The following PCDH15 variants were observed in gnomAD, a reference collection of about 807,000 sequenced individuals.
PCDH15 encodes the protein protocadherin related 15.
In PCDH15, 129 loss-of-function variants were observed where a neutral mutation model predicts 178.5. The ratio of observed to expected loss-of-function variants is 0.72; its 90% CI spans 0.63 to 0.84. The LOEUF is 0.84. Among genes scored for constraint, PCDH15 ranks in the 40% least tolerant of loss-of-function variants. The pLI is 0.00. For synonymous variants in PCDH15, 800 were observed against 732.0 expected (o/e 1.09, Z -1.50); for missense variants, 2,230 against 2,099.9 (o/e 1.06, Z -1.21).
At chr10:54,527,918 G>A in intron 2 of PCDH15, 41 bp from the exon 3 acceptor site, 2 of 1,511,888 alleles carry the variant, frequency 1.3e-6, no homozygotes, top group East Asian at 2.3e-5. Context: ...TTGACTGCAG[G>A]GGCACACACA....
intron 2 of PCDH15, among the ~76,000 whole-genome samples, chr10:54,541,618 C>T (rs536018632): frequency 1.3e-5 from 2 of 152,088 alleles, no homozygotes; most frequent in Admixed American, 1.3e-4. Flanking sequence ...TCAACATTAT[C>T]CAACTTGTCT....
At chr10:53,945,889 T>G (rs147488778) in intron 23 of PCDH15, among the ~76,000 whole-genome samples, 2,252 of 139,078 alleles carry the variant, frequency 0.016, 66 homozygotes, top group African/African-American at 0.055. Context: ...ATATCACATT[T>G]TCTTTATCCA....
intron 2 of PCDH15, among the ~76,000 whole-genome samples, chr10:55,334,031 A>G (rs959194921): frequency 1.3e-5 from 2 of 151,244 alleles, no homozygotes; most frequent in Non-Finnish European, 2.9e-5. Context: ...AAATAAAATG[A>G]TATTTTATTT....
At chr10:54,124,799 G>C (rs191682709) in intron 15 of PCDH15, among the ~76,000 whole-genome samples, 1 of 152,214 alleles carries the variant, frequency 6.6e-6, no homozygotes, top group East Asian at 1.9e-4. Context: ...TCAAAAAAGG[G>C]AAAGAGAAGT....
At chr10:55,575,456 T>C (rs1842478868) in intron 2 of PCDH15, among the ~76,000 whole-genome samples, 1 of 152,180 alleles carries the variant, frequency 6.6e-6, no homozygotes. Context: ...ACAATAGACT[T>C]GGTAGCCAAA....
At chr10:53,855,918 A>ATGTGTGTG (rs1298667377) in intron 28 of PCDH15, among the ~76,000 whole-genome samples, 2 of 139,536 alleles carry the variant, frequency 1.4e-5, no homozygotes, top group African/African-American at 5.2e-5. Flanking sequence ...ATATATATAT[A>ATGTGTGTG]TATGTATGTG....
Position 54,265,692 on chromosome 10 carries a change from A to G in PCDH15, c.877-28761T>C, listed in dbSNP as rs189300725. 9.2e-5 allele frequency among the ~76,000 whole-genome samples: 14 copies of G among 152,186 alleles called. No homozygotes were observed. In the East Asian group the frequency reaches 2.1e-3, roughly 23 times the overall value. On this transcript the variant is annotated intron_variant, in intron 8 of 37. Coordinates refer to ENST00000644397, the MANE Select transcript of PCDH15 (RefSeq NM_001384140.1). ...GGACAAAAAATGTTATTGCTTAATG[A>G]CAAAGGGCTCAATTCAACAAGAATA...
intron 3 of PCDH15, among the ~76,000 whole-genome samples, chr10:54,836,374 C>T (rs1953316420): frequency 6.6e-6 from 1 of 152,150 alleles, no homozygotes; most frequent in Non-Finnish European, 1.5e-5. Context: ...TACAAACACA[C>T]ATACGCATAC....
intron 20 of PCDH15, among the ~76,000 whole-genome samples, chr10:54,016,303 A>G (rs1225836375): frequency 6.6e-6 from 1 of 151,962 alleles, no homozygotes; most frequent in Non-Finnish European, 1.5e-5. Context: ...AGAAAATGGA[A>G]CAAAGCAGTT....
chr10:55,264,088 G>C (rs748628857), intron 1 of PCDH15, among the ~76,000 whole-genome samples: 2 of 152,066 alleles, frequency 1.3e-5, no homozygotes, highest in Non-Finnish European at 2.9e-5. Context: ...GTTTCTGATT[G>C]GGAAATTAAT....
At chr10:55,037,520 C>A (rs1388463966) in intron 2 of PCDH15, among the ~76,000 whole-genome samples, 1 of 152,156 alleles carries the variant, frequency 6.6e-6, no homozygotes, top group Admixed American at 6.5e-5. Flanking sequence ...GCGTGAGCCA[C>A]CGCACCCGGC....
chr10:54,960,185 T>C (rs181778526), intron 2 of PCDH15, among the ~76,000 whole-genome samples: 1 of 152,300 alleles, frequency 6.6e-6, no homozygotes, highest in Admixed American at 6.5e-5. Context: ...TGAACATCAC[T>C]AGATTCTAAC....
chr10:54,199,101 C>G (rs564262872), intron 10 of PCDH15, among the ~76,000 whole-genome samples: 21 of 152,152 alleles, frequency 1.4e-4, no homozygotes, highest in African/African-American at 5.1e-4. Flanking sequence ...TCTTAACTTC[C>G]TCATATCTAT....
At chr10:54,225,449 C>G (rs545830097) in intron 9 of PCDH15, among the ~76,000 whole-genome samples, 1 of 152,122 alleles carries the variant, frequency 6.6e-6, no homozygotes, top group Non-Finnish European at 1.5e-5. Flanking sequence ...TCTTCCTTAC[C>G]TTAGAACGTC....
rs1841121768 is a variant in PCDH15, at chr10:53,805,929, A to AAAGAC, written c.*645_*649dup. Reference sequence around the variant, plus strand: ...AGAATATTGTAAATAATATTGATAAAAAGACATACGACTTCAAGTGGTTTC... The same window carrying AAAGAC: ...AGAATATTGTAAATAATATTGATAAAAAGACAAGACATACGACTTCAAGTGGTTTC... On this transcript the variant is annotated 3_prime_UTR_variant, in exon 38 of 38. Coordinates refer to ENST00000644397, the MANE Select transcript of PCDH15 (RefSeq NM_001384140.1). 1 of 152,180 alleles carries AAAGAC rather than the reference A, an allele frequency of 6.6e-6. No homozygotes were observed. The allele number at this position is 152,180 out of a possible 1,614,324, so 9.4% of individuals were successfully genotyped here.
chr10:55,481,943 A>G (rs1476499585), intron 2 of PCDH15, among the ~76,000 whole-genome samples: 1 of 151,802 alleles, frequency 6.6e-6, no homozygotes, highest in African/African-American at 2.4e-5. Context: ...AAATTTCCCC[A>G]CTATAATTGT....
At chr10:54,940,173 C>G (rs1211568930) in intron 2 of PCDH15, among the ~76,000 whole-genome samples, 1 of 152,024 alleles carries the variant, frequency 6.6e-6, no homozygotes, top group Non-Finnish European at 1.5e-5. Context: ...TATATACTTA[C>G]AGATATAAAT....
At chr10:53,933,066 C>G (rs1326241338) in intron 25 of PCDH15, among the ~76,000 whole-genome samples, 2 of 152,046 alleles carry the variant, frequency 1.3e-5, no homozygotes, top group Non-Finnish European at 2.9e-5. Context: ...CTCCATAGAA[C>G]CAGAGCAGAT....
chr10:55,138,258 G>T (rs1329789309), intron 2 of PCDH15, among the ~76,000 whole-genome samples: 1 of 151,988 alleles, frequency 6.6e-6, no homozygotes, highest in African/African-American at 2.4e-5. Context: ...AAATGTATTC[G>T]TTTATGTCAC....
Sources: allele counts gnomAD v4.1 joint callset (sites outside exome capture counted in the v4.1 genomes callset), GRCh38; gene constraint gnomAD v4.1.1; transcripts MANE v1.5; gene names NCBI Gene and HGNC (gene_info 2026-07-23, HGNC 2026-07-21).